Variants in KCNQ3 observed in about 807,000 individuals in gnomAD.
The protein encoded by KCNQ3 is potassium voltage-gated channel subfamily Q member 3, also known as potassium voltage-gated channel subfamily KQT member 3.
KCNQ3 carries 30 observed loss-of-function variants against 92.5 expected under a neutral mutation model. The ratio of observed to expected loss-of-function variants is 0.32; its 90% CI spans 0.24 to 0.44. The LOEUF (loss-of-function observed/expected upper bound fraction) is 0.44. Ranked by LOEUF, KCNQ3 falls within the 20% of genes least tolerant of loss-of-function variation. KCNQ3 has a pLI of 1.00. For synonymous variants in KCNQ3, 450 were observed against 468.8 expected, an observed-to-expected ratio of 0.96 and a Z score of 0.52; for missense variants, 913 against 1,140.3, an observed-to-expected ratio of 0.80 and a Z score of 2.87.
intron 1 of KCNQ3, among the ~76,000 whole-genome samples, chr8:132,266,612 C>A (rs1815989987): frequency 6.6e-6 from 1 of 152,218 alleles, no homozygotes; most frequent in Admixed American, 6.5e-5. Context: ...CACCTCCCCA[C>A]TCTTTCCCCT....
chr8:132,434,041 T>C (rs1821321199), intron 1 of KCNQ3, among the ~76,000 whole-genome samples: 3 of 151,898 alleles, frequency 2.0e-5, no homozygotes, highest in Admixed American at 2.0e-4. Context: ...ACCCCGTCTC[T>C]ACTAAAAATA....
At position 132,219,115 on chromosome 8, in the gene KCNQ3, C is replaced by A. The variant is rs1201356016; in HGVS notation, c.387-32934G>T. ...CTAAGGTCAATACCGGCAAATGGAG[C>A]ATCTCAGAATCTGGTTTATCTGTTT... On this transcript the variant is annotated intron_variant, in intron 1 of 14. Transcript: ENST00000388996. Among the ~76,000 whole-genome samples, 4 of 152,144 alleles carry A rather than the reference C, an allele frequency of 2.6e-5. No individual in the cohort carries two copies. In the East Asian group the frequency reaches 7.7e-4, roughly 29 times the overall value.
intron 1 of KCNQ3, among the ~76,000 whole-genome samples, chr8:132,253,306 AG>A (rs1815476833): frequency 6.6e-6 from 1 of 152,224 alleles, no homozygotes; most frequent in African/African-American, 2.4e-5. Context: ...AACTGTAGAC[AG>A]GTCACACTTT....
rs150287796 is a variant in KCNQ3 at position 132,244,713 on chromosome 8, T to C, written c.387-58532A>G. On this transcript the variant is annotated intron_variant, in intron 1 of 14. Coordinates refer to ENST00000388996, the MANE Select transcript of KCNQ3 (RefSeq NM_004519.4). ...CAGGTTTGAGGATCTCCAATTCAAG[T>C]CCAGCTGCACAGAAATGAGCTGATG... Among the ~76,000 whole-genome samples, 380 of 152,252 alleles carry C rather than the reference T, an allele frequency of 2.5e-3. 1 individual carries two copies. The highest frequency in any genetic ancestry group is 8.6e-3 in the African/African-American group (356 of 41,546).
At chr8:132,275,537 C>T (rs533012966) in intron 1 of KCNQ3, among the ~76,000 whole-genome samples, 6 of 151,602 alleles carry the variant, frequency 4.0e-5, no homozygotes, top group East Asian at 3.9e-4. Context: ...AGGCCCAAAA[C>T]GCACCTCATG....
chr8:132,192,684 C>A (rs1473180372), intron 1 of KCNQ3, among the ~76,000 whole-genome samples: 11 of 152,162 alleles, frequency 7.2e-5, no homozygotes, highest in African/African-American at 2.2e-4. Flanking sequence ...GAATCTCGCT[C>A]TGTCACCCAG....
At chr8:132,320,688 T>G (rs1222392815) in intron 1 of KCNQ3, among the ~76,000 whole-genome samples, 1 of 152,106 alleles carries the variant, frequency 6.6e-6, no homozygotes, top group Non-Finnish European at 1.5e-5. Flanking sequence ...ACAGCCCCAC[T>G]TGCTCAGAGC....
In KCNQ3 at chr8:132,284,735, C is replaced by T. The variant is rs533656941; in HGVS notation, c.387-98554G>A. 5.9e-5 allele frequency among the ~76,000 whole-genome samples: 9 copies of T among 152,316 alleles called. No individual in the cohort carries two copies. The East Asian group carries it at 1.3e-3, about 23-fold the overall frequency. The stretch of plus-strand genomic sequence containing the variant: ...ACCTAGGGTGGTTTAGATTTTTCCT[C>T]GCCAAAACTCATGTCAAAATTTAAT... On this transcript the variant is annotated intron_variant, in intron 1 of 14. Transcript: ENST00000388996.
At chr8:132,191,372 G>T (rs1586817396) in intron 1 of KCNQ3, among the ~76,000 whole-genome samples, 1 of 151,888 alleles carries the variant, frequency 6.6e-6, no homozygotes. Context: ...TGCCCAGGCT[G>T]GTCTTGAACG....
rs74979223 is a variant in KCNQ3, at chr8:132,407,787, C to T, written c.386+72360G>A. ...CTGGTGCTGCCTCCCCAGAGTCTAG[C>T]TCGGCAGGTCTGCAGCAGAGTGCAA... On this transcript the variant is annotated intron_variant, in intron 1 of 14. Coordinates refer to ENST00000388996, the MANE Select transcript of KCNQ3 (RefSeq NM_004519.4). Among the ~76,000 whole-genome samples, 844 of 152,308 alleles carry T rather than the reference C, an allele frequency of 5.5e-3. 4 individuals carry two copies. The highest frequency in any genetic ancestry group is 0.014 in the Middle Eastern group (4 of 294).
chr8:132,182,554 G>A (rs1040778238), intron 3 of KCNQ3, among the ~76,000 whole-genome samples: 16 of 152,226 alleles, frequency 1.1e-4, no homozygotes, highest in African/African-American at 3.4e-4. Context: ...TTAAAATAGT[G>A]GATACTTCCC....
At chr8:132,276,084 G>A (rs925985474) in intron 1 of KCNQ3, among the ~76,000 whole-genome samples, 2 of 152,240 alleles carry the variant, frequency 1.3e-5, no homozygotes, top group African/African-American at 2.4e-5. Flanking sequence ...CTCAGTGACT[G>A]ATGGGGACCA....
intron 1 of KCNQ3, among the ~76,000 whole-genome samples, chr8:132,352,638 T>C (rs566236268): frequency 6.6e-6 from 1 of 152,324 alleles, no homozygotes; most frequent in South Asian, 2.1e-4. Flanking sequence ...AAGTAAGTGA[T>C]AGCAACAGTT....
intron 1 of KCNQ3, among the ~76,000 whole-genome samples, chr8:132,244,841 T>G (rs1268573851): frequency 6.6e-6 from 1 of 150,460 alleles, no homozygotes; most frequent in East Asian, 2.0e-4. Context: ...TCTGGAGCCT[T>G]GAGGTAAAAG....
At position 132,326,588 on chromosome 8, in the gene KCNQ3, C is replaced by T. The variant is rs112876489; in HGVS notation, c.387-140407G>A. Among the ~76,000 whole-genome samples, 1,158 of 152,278 alleles carry T rather than the reference C, an allele frequency of 7.6e-3. 18 individuals carry two copies. Among genetic ancestry groups the T allele is most frequent in the African/African-American group, 0.026 (1,099 of 41,556 alleles). On this transcript the variant is annotated intron_variant, in intron 1 of 14. Coordinates refer to ENST00000388996, the MANE Select transcript of KCNQ3 (RefSeq NM_004519.4). Reference sequence around the variant, plus strand: ...CCACCGTCATGAATGGGATTAATATCCTGATAAAAGAGCTCTAGGCTGAAG... The same window carrying T: ...CCACCGTCATGAATGGGATTAATATTCTGATAAAAGAGCTCTAGGCTGAAG...
In KCNQ3 at chr8:132,129,792, A is replaced by C. The variant is rs1332849565; in HGVS notation, c.2089T>G (p.Tyr697Asp). Residue 697 changes from tyrosine (Y) to aspartate (D), a missense_variant, in exon 15 of 15, where the codon TAC becomes GAC. Tyr to Asp is a radical substitution (Grantham distance 160). Around this residue, in one of 6 missense-constraint regions of KCNQ3, gnomAD observed 375 missense variants for 376.4 expected, o/e 1.00. Transcript: ENST00000388996. This position sits in a 1 kb window ranked among gnomAD's most constrained non-coding sequence, Gnocchi z 5.9. ...TCAATGGTCACCTGGTGGAAGCTGT[A>C]GGGTGGTTCCGGGGGGCCTGTCTCA... is the stretch of plus-strand genomic sequence containing the variant. ...YSETGPPEPPYSFHQVTIDKV... is the reference protein window; with the variant it reads ...YSETGPPEPPDSFHQVTIDKV... The C allele has an allele frequency of 6.2e-7, 1 of 1,614,176 alleles. No individual in the cohort carries two copies. Among genetic ancestry groups the C allele is most frequent in the South Asian group, 1.1e-5 (1 of 91,080 alleles).
intron 1 of KCNQ3, among the ~76,000 whole-genome samples, chr8:132,335,395 T>C (rs1382170117): frequency 6.6e-6 from 1 of 152,130 alleles, no homozygotes; most frequent in Non-Finnish European, 1.5e-5. Context: ...CTTTCCATGA[T>C]GGTCCCCAAC....
chr8:132,403,851 C>T (rs765312749), intron 1 of KCNQ3, among the ~76,000 whole-genome samples: 1 of 152,158 alleles, frequency 6.6e-6, no homozygotes, highest in Non-Finnish European at 1.5e-5. Context: ...GAACAGGGAC[C>T]TTATTTTATT....
intron 6 of KCNQ3, among the ~76,000 whole-genome samples, chr8:132,173,559 G>C (rs150094240): frequency 6.2e-4 from 94 of 152,228 alleles, no homozygotes; most frequent in African/African-American, 2.2e-3. Flanking sequence ...ACCCAATTAA[G>C]TCTCGGGTTT....
Sources: gnomAD v4.1 joint callset for allele counts (sites outside exome capture counted in the v4.1 genomes callset) on GRCh38, gnomAD v4.1.1 for gene constraint, gnomAD v4.1.1 regional missense constraint, Gnocchi (gnomAD v3.1) non-coding constraint, MANE v1.5 for transcripts, NCBI Gene and HGNC (gene_info 2026-07-23, HGNC 2026-07-21) for gene names.